MED13: variants seen among roughly 807,000 people sequenced by gnomAD.
MED13 encodes the protein mediator of RNA polymerase II transcription subunit 13.
Under a neutral mutation model 225.2 loss-of-function variants are expected in MED13, and 23 were observed. That is an observed-to-expected ratio of 0.10 (90% CI 0.07 to 0.14). The LOEUF (loss-of-function observed/expected upper bound fraction) is 0.14, where lower values mean the gene tolerates loss of function less well. Among genes scored for constraint, MED13 ranks in the 10% least tolerant of loss-of-function variants. The probability of loss-of-function intolerance (pLI) is 1.00; values close to 1 mark genes in which losing one functional copy is unlikely to be tolerated. For synonymous variants in MED13, 942 were observed against 889.2 expected (o/e 1.06, Z -1.06); for missense variants, 2,197 against 2,594.5 (o/e 0.85, Z 3.33).
intron 3 of MED13, among the ~76,000 whole-genome samples, chr17:62,037,102 A>T (rs1220882314): frequency 6.6e-6 from 1 of 152,044 alleles, no homozygotes; most frequent in Admixed American, 6.6e-5. Flanking sequence ...AAATACAAAA[A>T]ATTAGCCAGG....
intron 9 of MED13, among the ~76,000 whole-genome samples, chr17:61,999,620 A>G (rs1402211192): frequency 6.6e-6 from 1 of 152,358 alleles, no homozygotes; most frequent in East Asian, 1.9e-4. Flanking sequence ...GAGAAATTTT[A>G]CTTTTACAAA....
chr17:61,989,606 C>T (rs1029490235), intron 11 of MED13, among the ~76,000 whole-genome samples: 1 of 152,104 alleles, frequency 6.6e-6, no homozygotes, highest in Non-Finnish European at 1.5e-5. Flanking sequence ...CCAAAGTGCT[C>T]GGATTACAGG....
At chr17:62,025,067 G>A (rs974464206) in intron 8 of MED13, among the ~76,000 whole-genome samples, 4 of 152,122 alleles carry the variant, frequency 2.6e-5, no homozygotes, top group African/African-American at 7.2e-5. Flanking sequence ...GGATTGCTCG[G>A]TCAAATGGTA....
At position 62,015,863 on chromosome 17, in the gene MED13, GTGTA is replaced by G. The variant is rs1159317230; in HGVS notation, c.1284-4634_1284-4631del. ...CACACACTATATATATGTGTATAGTGTGTATGTGTGTGTGTATATATATACACAC... is the reference window on the plus strand; with the variant it reads ...CACACACTATATATATGTGTATAGTGTGTGTGTGTGTATATATATACACAC... On this transcript the variant is annotated intron_variant, in intron 8 of 29. Coordinates refer to ENST00000397786, the MANE Select transcript of MED13 (RefSeq NM_005121.3). Among the ~76,000 whole-genome samples the G allele has an allele frequency of 8.7e-4, 69 of 79,582 alleles. 1 individual carries two copies. Among genetic ancestry groups the G allele is most frequent in the African/African-American group, 2.2e-3 (38 of 17,286 alleles). The allele number at this position is 79,582 out of a possible 152,430, so 52.2% of individuals were successfully genotyped here.
chr17:62,060,644 C>CAAAAAAAAAAAAAAAAA (rs565314177), intron 2 of MED13, among the ~76,000 whole-genome samples: 11 of 84,680 alleles, frequency 1.3e-4, no homozygotes, highest in African/African-American at 5.4e-4. Flanking sequence ...GACTCCGTCT[C>CAAAAAAAAAAAAAAAAA]AAAAAAAAAA....
chr17:62,045,610 G>C (rs1028630723), intron 3 of MED13, among the ~76,000 whole-genome samples: 1 of 152,032 alleles, frequency 6.6e-6, no homozygotes, highest in African/African-American at 2.4e-5. Flanking sequence ...TTTTATAGAA[G>C]AGACTAAAAC....
chr17:61,984,687 A>T lies in MED13; in HGVS notation c.2655T>A (p.Asp885Glu). 1 of 1,613,634 alleles carries T rather than the reference A, an allele frequency of 6.2e-7. No homozygotes were observed. Among genetic ancestry groups the T allele is most frequent in the East Asian group, 2.2e-5 (1 of 44,846 alleles). Residue 885 changes from aspartate (D) to glutamate (E), a missense_variant, in exon 14 of 30, where the codon GAT becomes GAA. Coordinates refer to ENST00000397786, the MANE Select transcript of MED13 (RefSeq NM_005121.3). Reference sequence around the variant, plus strand: ...AAGGTTTGGGGCTACAGAATCCCTCATCAACCTCAATTTTGAACTGCGCTC... The same window carrying T: ...AAGGTTTGGGGCTACAGAATCCCTCTTCAACCTCAATTTTGAACTGCGCTC... ...SIGAQFKIEV[D>E]EGFCSPKPSE... is the part of the protein sequence containing the mutation.
At chr17:62,063,384 T>C (rs1397082036) in intron 1 of MED13, 83 bp from the exon 2 acceptor site, 1 of 870,292 alleles carries the variant, frequency 1.1e-6, no homozygotes, top group Non-Finnish European at 1.8e-6. Flanking sequence ...CTTATTTCAT[T>C]AAGACATTAC....
rs1009174529 is a variant in MED13 at position 62,063,392 on chromosome 17, T to C, written c.67-91A>G. On this transcript the variant is annotated intron_variant, in intron 1 of 29. Transcript: ENST00000397786. ...GATGTCTCTTATTTCATTAAGACAT[T>C]ACAATTTTTCAATGTATGCTTGAGA... The C allele has an allele frequency of 4.8e-6, 4 of 839,064 alleles. No homozygotes were observed. In the African/African-American group the frequency reaches 5.1e-5, roughly 11 times the overall value. The allele number at this position is 839,064 out of a possible 1,614,324, so 52.0% of individuals were successfully genotyped here.
chr17:62,065,115 G>T (rs571907246), intron 1 of MED13, 25 bp downstream of exon 1: 2 of 1,524,380 alleles, frequency 1.3e-6, no homozygotes, highest in Non-Finnish European at 1.8e-6. Flanking sequence ...CCCCTCCCTC[G>T]GCGCCCGCCG....
At chr17:61,950,643 CAA>C (rs1456506141) in intron 28 of MED13, among the ~76,000 whole-genome samples, 180 bp downstream of exon 28, 1 of 152,294 alleles carries the variant, frequency 6.6e-6, no homozygotes, top group East Asian at 1.9e-4. Flanking sequence ...CTCGGCCTCT[CAA>C]AGTGCTGGCA....
At position 61,984,985 on chromosome 17, in the gene MED13, A is replaced by G. The variant is rs1481372974; in HGVS notation, c.2476+15T>C. The G allele has an allele frequency of 6.2e-7, 1 of 1,613,110 alleles. No individual in the cohort carries two copies. The highest frequency in any genetic ancestry group is 8.5e-7 in the Non-Finnish European group (1 of 1,179,578). On this transcript the variant is annotated intron_variant, in intron 13 of 29. Transcript: ENST00000397786. The stretch of plus-strand genomic sequence containing the variant: ...GTTCGCAAATTTATCTCGAGCACAG[A>G]TGAGGGAAGCTTACTTATGCAAGAT...
intron 17 of MED13, among the ~76,000 whole-genome samples, chr17:61,969,541 T>C (rs1354919229): frequency 6.6e-6 from 1 of 151,886 alleles, no homozygotes; most frequent in African/African-American, 2.4e-5. Flanking sequence ...ATTTAAAAAA[T>C]AGAAAAAAGA....
At chr17:61,974,263 G>T (rs1175456405) in intron 16 of MED13, among the ~76,000 whole-genome samples, 4 of 152,030 alleles carry the variant, frequency 2.6e-5, no homozygotes, top group Admixed American at 2.6e-4. Context: ...AGTTAGCTGG[G>T]TATGGTGCCA....
chr17:61,950,218 T>C lies in MED13; in HGVS notation c.6291+607A>G, dbSNP rs752505847. Among the ~76,000 whole-genome samples the C allele has an allele frequency of 4.3e-4, 65 of 152,122 alleles. 1 individual carries two copies. Among genetic ancestry groups the C allele is most frequent in the Admixed American group, 2.7e-3 (41 of 15,266 alleles). ...TCTCTCAGCTCTAAATTTCCATATA[T>C]GCAGTTGAAACAGATTGAGCATCTC... is the stretch of plus-strand genomic sequence containing the variant. On this transcript the variant is annotated intron_variant, in intron 28 of 29. Coordinates refer to ENST00000397786, the MANE Select transcript of MED13 (RefSeq NM_005121.3).
In MED13 at chr17:61,967,898, C is replaced by A. The variant is rs564361833; in HGVS notation, c.4191+137G>T. 81 of 675,024 alleles carry A rather than the reference C, an allele frequency of 1.2e-4. No individual in the cohort carries two copies. In the East Asian group the frequency reaches 2.2e-3, roughly 19 times the overall value. 41.8% of individuals were successfully genotyped at this position (675,024 alleles called of 1,614,324 possible). ...GGGTCAAACTCAGCAAAGAATGTAA[C>A]TGGCTAGTATGAGAAATAAACATCT... On this transcript the variant is annotated intron_variant, in intron 18 of 29. Transcript: ENST00000397786.
At chr17:61,951,114 A>G in intron 27 of MED13, 116 bp from the exon 28 acceptor site, 1 of 741,412 alleles carries the variant, frequency 1.3e-6, no homozygotes, top group Non-Finnish European at 2.0e-6. Flanking sequence ...CGATTTAATA[A>G]AATACTGAAG....
At chr17:62,062,598 CACCACACACA>C (rs138443235) in intron 2 of MED13, among the ~76,000 whole-genome samples, 21,315 of 103,236 alleles carry the variant, frequency 0.21, 1,920 homozygotes, top group East Asian at 0.51. Context: ...CACACACACA[CACCACACACA>C]CACACACACA....
intron 15 of MED13, among the ~76,000 whole-genome samples, chr17:61,983,789 T>C (rs954910666): frequency 2.3e-4 from 34 of 150,402 alleles, no homozygotes; most frequent in African/African-American, 8.1e-4. Flanking sequence ...AGTGCACTGG[T>C]GCGATCTCGG....
Sources: allele counts gnomAD v4.1 joint callset (sites outside exome capture counted in the v4.1 genomes callset), GRCh38; gene constraint gnomAD v4.1.1; transcripts MANE v1.5; gene names NCBI Gene and HGNC (gene_info 2026-07-23, HGNC 2026-07-21).